The following SLC36A1 variants were observed in gnomAD, a reference collection of about 807,000 sequenced individuals.
SLC36A1 encodes the protein solute carrier family 36 member 1.
SLC36A1 carries 30 observed loss-of-function variants against 47.5 expected under a neutral mutation model. The ratio of observed to expected loss-of-function variants is 0.63; its 90% CI spans 0.47 to 0.86. SLC36A1 has a LOEUF of 0.86. Among genes scored for constraint, SLC36A1 ranks in the 40% least tolerant of loss-of-function variants. The pLI is 0.00. For synonymous variants in SLC36A1, 255 were observed against 249.7 expected (o/e 1.02, Z -0.20); for missense variants, 517 against 606.0 (o/e 0.85, Z 1.54).
In SLC36A1 at chr5:151,480,017, C is replaced by A. The variant is rs982079592; in HGVS notation, c.1159+528C>A. 3.9e-6 allele frequency: 4 copies of A among 1,026,206 alleles called. No homozygotes were observed. In the African/African-American group the frequency reaches 4.9e-5, roughly 13 times the overall value. The allele number at this position is 1,026,206 out of a possible 1,614,324, so 63.6% of individuals were successfully genotyped here. On this transcript the variant is annotated intron_variant, in intron 10 of 10. Transcript: ENST00000243389. ...TGATTAACCTAGGTATTTGATTGAT[C>A]ACTTGTGTTTTATTCTTCTTCTCTC...
chr5:151,360,972 A>G, the SLC36A1 span, among the ~76,000 whole-genome samples: 1 of 151,860 alleles, frequency 6.6e-6, no homozygotes, highest in Non-Finnish European at 1.5e-5. Flanking sequence ...CTCTTTTTTT[A>G]TTTCCTTGAT....
the SLC36A1 span, chr5:151,532,006 G>A: frequency 2.5e-5 from 40 of 1,607,588 alleles, no homozygotes; most frequent in Non-Finnish European, 3.4e-5. Context: ...CCACACTGAG[G>A]GCGCCTCCTC....
the SLC36A1 span, chr5:151,380,352 C>T: frequency 4.9e-5 from 14 of 285,166 alleles, no homozygotes; most frequent in African/African-American, 8.7e-5. Context: ...GCCAGGAGAC[C>T]GGCCACAGTT....
chr5:151,483,378 C>G (rs1009528315), intron 10 of SLC36A1, among the ~76,000 whole-genome samples: 1 of 152,210 alleles, frequency 6.6e-6, no homozygotes, highest in African/African-American at 2.4e-5. Context: ...GCCCTCTTGA[C>G]TAATCATGTG....
chr5:151,467,751 T>A lies in SLC36A1; in HGVS notation c.549T>A (p.Asn183Lys). The change falls in exon 7 of 11, where the codon AAT (asparagine) becomes AAA (lysine). Residue 183 changes from asparagine (N) to lysine (K), a missense_variant. Coordinates refer to ENST00000243389, the MANE Select transcript of SLC36A1 (RefSeq NM_078483.4). ...ANGTTNNCHN[N>K]ETVILTPTMD... ...GGACCACCAATAACTGCCACAACAA[T>A]GAGACGGTGATTCTGACGCCTACCA... 1.2e-6 allele frequency: 2 copies of A among 1,613,400 alleles called. No individual in the cohort carries two copies. Among genetic ancestry groups the A allele is most frequent in the Non-Finnish European group, 1.7e-6 (2 of 1,179,930 alleles).
At chr5:151,454,646 C>A (rs552688081) in intron 1 of SLC36A1, among the ~76,000 whole-genome samples, 10 of 151,268 alleles carry the variant, frequency 6.6e-5, no homozygotes, top group African/African-American at 2.2e-4. Flanking sequence ...TGACTCTCCA[C>A]GTACTGATCC....
At chr5:151,391,199 GCT>G in the SLC36A1 span, among the ~76,000 whole-genome samples, 2 of 150,744 alleles carry the variant, frequency 1.3e-5, no homozygotes, top group Non-Finnish European at 3.0e-5. Flanking sequence ...TCATGATTTG[GCT>G]CTCTGTCTGT....
the SLC36A1 span, among the ~76,000 whole-genome samples, chr5:151,379,858 A>G: frequency 6.6e-6 from 1 of 152,204 alleles, no homozygotes; most frequent in Non-Finnish European, 1.5e-5. Context: ...TCAAGCGCTC[A>G]ATGTGGCTAG....
chr5:151,373,673 T>C, the SLC36A1 span, among the ~76,000 whole-genome samples: 4 of 152,202 alleles, frequency 2.6e-5, no homozygotes, highest in African/African-American at 9.6e-5. Context: ...CTTACATCTA[T>C]AAAAAGAAAT....
chr5:151,550,482 G>A, the SLC36A1 span: 2 of 1,259,140 alleles, frequency 1.6e-6, no homozygotes, highest in South Asian at 2.8e-5. Flanking sequence ...TCTGTCTCGT[G>A]CATGGTCCTT....
chr5:151,480,283 C>A (rs1012761597), intron 10 of SLC36A1: 1 of 430,416 alleles, frequency 2.3e-6, no homozygotes, highest in East Asian at 3.6e-5. Context: ...CTCTATTTGG[C>A]TTTTTTTTCT....
the SLC36A1 span, among the ~76,000 whole-genome samples, chr5:151,398,178 G>A: frequency 1.4e-4 from 22 of 152,244 alleles, no homozygotes; most frequent in Middle Eastern, 3.4e-3. Context: ...ATTGCCCCTT[G>A]AGTTAACAGG....
At chr5:151,542,138 G>A in the SLC36A1 span, 16 of 665,024 alleles carry the variant, frequency 2.4e-5, no homozygotes, top group Non-Finnish European at 4.1e-5. Context: ...TATAGGTGGA[G>A]AAACTGAGGT....
At chr5:151,495,629 T>C (rs978452554), downstream of SLC36A1, among the ~76,000 whole-genome samples, 1 of 152,112 alleles carries the variant, frequency 6.6e-6, no homozygotes, top group Admixed American at 6.5e-5. Context: ...TACCGTCACC[T>C]CAAGACTCCT....
the SLC36A1 span, chr5:151,529,441 A>G: frequency 6.5e-7 from 1 of 1,549,072 alleles, no homozygotes; most frequent in Non-Finnish European, 8.9e-7. Context: ...GGGCCCTCAA[A>G]GGCGCAGGAC....
chr5:151,474,073 T>C (rs1757696083), intron 8 of SLC36A1, among the ~76,000 whole-genome samples: 1 of 148,658 alleles, frequency 6.7e-6, no homozygotes, highest in Admixed American at 6.8e-5. Context: ...GGCAGGAGAA[T>C]TGCTTGAACT....
At chr5:151,522,982 C>A in the SLC36A1 span, among the ~76,000 whole-genome samples, 10 of 152,280 alleles carry the variant, frequency 6.6e-5, no homozygotes, top group East Asian at 1.7e-3. Context: ...TCATGTTTCA[C>A]CACACATCCC....
In SLC36A1 at chr5:151,458,364, C is replaced by CACACAT. The variant is rs57654042; in HGVS notation, c.-5-424_-5-423insACACAT. The stretch of plus-strand genomic sequence containing the variant: ...ATTTATATATATATATATACACACA[C>CACACAT]GATTGAACTATTGCACAAGGTCCAA... On this transcript the variant is annotated intron_variant, in intron 1 of 10. Transcript: ENST00000243389. Among the ~76,000 whole-genome samples the CACACAT allele has an allele frequency of 9.3e-3, 1,300 of 139,462 alleles. 34 individuals are homozygous for CACACAT. The highest frequency in any genetic ancestry group is 0.034 in the African/African-American group (1,208 of 35,034). 91.5% of individuals were successfully genotyped at this position (139,462 alleles called of 152,430 possible).
At chr5:151,383,978 G>A in the SLC36A1 span, among the ~76,000 whole-genome samples, 12 of 152,048 alleles carry the variant, frequency 7.9e-5, no homozygotes, top group Admixed American at 4.6e-4. Context: ...ATTGTAAAAC[G>A]TAGTGGAAAA....
Sources: gnomAD v4.1 joint callset for allele counts (sites outside exome capture counted in the v4.1 genomes callset) on GRCh38, gnomAD v4.1.1 for gene constraint, MANE v1.5 for transcripts, NCBI Gene and HGNC (gene_info 2026-07-23, HGNC 2026-07-21) for gene names.